Variants in GPHN observed in about 807,000 individuals in gnomAD.
GPHN encodes the protein gephyrin.
Under a neutral mutation model 95.5 loss-of-function variants are expected in GPHN, and 17 were observed. The ratio of observed to expected loss-of-function variants is 0.18; its 90% confidence interval spans 0.12 to 0.27. The LOEUF is 0.27. Ranked by LOEUF, GPHN falls within the 10% of genes least tolerant of loss-of-function variation. The pLI, the probability that GPHN is intolerant of heterozygous loss-of-function variation, is 1.00. For synonymous variants in GPHN, 320 were observed against 322.5 expected, an observed-to-expected ratio of 0.99 and a Z score of 0.08; for missense variants, 660 against 978.1, an observed-to-expected ratio of 0.67 and a Z score of 4.34.
chr14:66,826,082 A>C (rs560119740), intron 4 of GPHN, among the ~76,000 whole-genome samples: 16 of 152,284 alleles, frequency 1.1e-4, no homozygotes, highest in African/African-American at 3.9e-4. Context: ...TGATATTTTC[A>C]TATTTTTTCA....
At chr14:66,992,588 A>G (rs766193053) in intron 9 of GPHN, among the ~76,000 whole-genome samples, 2 of 152,170 alleles carry the variant, frequency 1.3e-5, no homozygotes, top group African/African-American at 4.8e-5. Flanking sequence ...ATCTTTAAAG[A>G]TGAGTATTTT....
chr14:67,101,357 T>C (rs2077688400), intron 13 of GPHN, among the ~76,000 whole-genome samples: 2 of 152,108 alleles, frequency 1.3e-5, no homozygotes, highest in Admixed American at 6.5e-5. Context: ...CAGGTTTACA[T>C]ATATTTTTAT....
intron 1 of GPHN, among the ~76,000 whole-genome samples, chr14:66,585,149 C>T (rs1649907911): frequency 6.6e-6 from 1 of 152,258 alleles, no homozygotes; most frequent in East Asian, 1.9e-4. Context: ...TTATCCATTT[C>T]TTCTAGATTT....
At chr14:66,977,994 A>G (rs2070375888) in intron 9 of GPHN, among the ~76,000 whole-genome samples, 1 of 152,242 alleles carries the variant, frequency 6.6e-6, no homozygotes, top group Non-Finnish European at 1.5e-5. Context: ...TGAGTCACAC[A>G]AATTTTTCGG....
At position 66,689,561 on chromosome 14, in the gene GPHN, T is replaced by C. The variant is rs145124631; in HGVS notation, c.143+8376T>C. 3.9e-3 allele frequency among the ~76,000 whole-genome samples: 591 copies of C among 152,334 alleles called. 5 individuals carry two copies. Among genetic ancestry groups the C allele is most frequent in the African/African-American group, 0.014 (568 of 41,586 alleles). On this transcript the variant is annotated intron_variant, in intron 2 of 22. Transcript: ENST00000478722. ...TTTTAGTATCAGGGTAATGCTGGCCTCTTAGAATGAGTTTTGAAGAATTGC... is the reference window on the plus strand; with the variant it reads ...TTTTAGTATCAGGGTAATGCTGGCCCCTTAGAATGAGTTTTGAAGAATTGC...
intron 8 of GPHN, among the ~76,000 whole-genome samples, chr14:66,961,925 TA>T (rs1354504592): frequency 1.3e-5 from 1 of 78,360 alleles, no homozygotes; most frequent in African/African-American, 1.0e-4. Context: ...TATATATATA[TA>T]TATATATATA....
At chr14:67,057,602 A>C (rs959492770) in intron 10 of GPHN, among the ~76,000 whole-genome samples, 3 of 152,146 alleles carry the variant, frequency 2.0e-5, no homozygotes, top group African/African-American at 7.2e-5. Flanking sequence ...AAAATAAGTA[A>C]AATAAAAAAA....
intron 11 of GPHN, among the ~76,000 whole-genome samples, chr14:67,066,297 G>A (rs751330084): frequency 1.8e-4 from 27 of 152,322 alleles, no homozygotes; most frequent in Admixed American, 1.6e-3. Flanking sequence ...AGAGAGATCC[G>A]CAGTTAGTCT....
chr14:67,288,964 C>CT, the GPHN span, among the ~76,000 whole-genome samples: 140 of 107,044 alleles, frequency 1.3e-3, 2 homozygotes, highest in South Asian at 4.9e-3. Context: ...TCTTTATTTC[C>CT]TTTTTTTTTT....
intron 3 of GPHN, among the ~76,000 whole-genome samples, chr14:66,809,621 A>G (rs1566968428): frequency 6.6e-6 from 1 of 152,316 alleles, no homozygotes; most frequent in African/African-American, 2.4e-5. Context: ...TCTATGGCAT[A>G]CAAGTAACAC....
At chr14:67,479,317 A>C in the GPHN span, among the ~76,000 whole-genome samples, 1 of 151,430 alleles carries the variant, frequency 6.6e-6, no homozygotes, top group African/African-American at 2.4e-5. Flanking sequence ...GAGGCAGAAG[A>C]ATTGCTTGAA....
chr14:66,575,076 T>G (rs1453030874), intron 1 of GPHN, among the ~76,000 whole-genome samples: 3 of 152,210 alleles, frequency 2.0e-5, no homozygotes, highest in Non-Finnish European at 4.4e-5. Context: ...TCCTATTGAT[T>G]CTGTCTCTGT....
rs1485964139 is a variant in GPHN, at chr14:66,508,319, C to T, written c.-209C>T. 42 of 607,960 alleles carry T rather than the reference C, an allele frequency of 6.9e-5. No individual in the cohort carries two copies. In the Admixed American group the frequency reaches 7.6e-4, roughly 11 times the overall value. 37.7% of individuals were successfully genotyped at this position (607,960 alleles called of 1,614,324 possible). On this transcript the variant is annotated 5_prime_UTR_variant, in exon 1 of 23. Transcript: ENST00000478722. ...TGGGGCCGCGCGCCCTGACTCCTTC[C>T]CCTCCCGCGGACCCGCGCACTCCCG...
chr14:66,615,494 GT>G (rs2062970718), intron 1 of GPHN, among the ~76,000 whole-genome samples: 1 of 129,454 alleles, frequency 7.7e-6, no homozygotes, highest in Non-Finnish European at 1.6e-5. Flanking sequence ...TTTTTTGTAT[GT>G]TTGTTGGCCA....
At chr14:67,413,293 G>T in the GPHN span, among the ~76,000 whole-genome samples, 1 of 151,914 alleles carries the variant, frequency 6.6e-6, no homozygotes, top group South Asian at 2.1e-4. Flanking sequence ...ATAGAGACAG[G>T]GTCTCACTAT....
intron 20 of GPHN, among the ~76,000 whole-genome samples, chr14:67,168,194 C>T (rs1242208646): frequency 6.6e-6 from 1 of 152,206 alleles, no homozygotes; most frequent in South Asian, 2.1e-4. Context: ...AGACAGCAAC[C>T]TTTTCACTGT....
At chr14:67,198,134 A>G in the GPHN span, 1 of 1,593,912 alleles carries the variant, frequency 6.3e-7, no homozygotes, top group Non-Finnish European at 8.5e-7. Context: ...CCATTCCCTC[A>G]GTTTTTTTAT....
chr14:66,981,069 A>G (rs531471262), intron 9 of GPHN, among the ~76,000 whole-genome samples: 2 of 152,320 alleles, frequency 1.3e-5, no homozygotes, highest in East Asian at 3.9e-4. Context: ...AGATTTCCTA[A>G]GGATAAAAAT....
chr14:67,255,178 A>G, the GPHN span, among the ~76,000 whole-genome samples: 1 of 152,110 alleles, frequency 6.6e-6, no homozygotes, highest in Admixed American at 6.5e-5. Context: ...AATCTCTTAT[A>G]ATGCTTTTTT....
Sources: allele counts gnomAD v4.1 joint callset (sites outside exome capture counted in the v4.1 genomes callset), GRCh38; gene constraint gnomAD v4.1.1; transcripts MANE v1.5; gene names NCBI Gene and HGNC (gene_info 2026-07-23, HGNC 2026-07-21).